GIGYF1: variants seen among roughly 807,000 people sequenced by gnomAD.
The protein encoded by GIGYF1 is GRB10 interacting GYF protein 1, also known as GRB10-interacting GYF protein 1.
A neutral mutation model predicts 147.1 loss-of-function variants in GIGYF1; 84 were observed. The observed-to-expected ratio is 0.57, with a 90% confidence interval of 0.48 to 0.68. The LOEUF (loss-of-function observed/expected upper bound fraction) is 0.68. Ranked by LOEUF, GIGYF1 falls within the 30% of genes least tolerant of loss-of-function variation. GIGYF1 has a pLI of 0.00. For missense variants in GIGYF1, 1,485 were observed against 1,393.7 expected (o/e 1.07, Z -1.04); for synonymous variants, 752 against 589.5 (o/e 1.28, Z -3.99).
intron 1 of GIGYF1, among the ~76,000 whole-genome samples, chr7:100,693,083 C>G (rs766388343): frequency 2.0e-5 from 3 of 152,030 alleles, no homozygotes; most frequent in African/African-American, 7.3e-5. Context: ...AGCTGACGAT[C>G]TTCCAGAACG....
At position 100,683,227 on chromosome 7, in the gene GIGYF1, G is replaced by C; in HGVS notation, c.2197C>G (p.Arg733Gly). The C allele has an allele frequency of 1.2e-6, 2 of 1,611,904 alleles. No homozygotes were observed. Among genetic ancestry groups the C allele is most frequent in the Non-Finnish European group, 1.7e-6 (2 of 1,179,948 alleles). The change falls in exon 22 of 27, where the codon CGG becomes GGG. Residue 733 changes from arginine (R) to glycine (G), a missense_variant. By Grantham distance (125) the Arg-to-Gly change is moderately radical. Coordinates refer to ENST00000678049, the MANE Select transcript of GIGYF1 (RefSeq NM_001375765.1). ...EEELFRRKHV[R>G]QQELLLKLLQ... ...AACTTCAGCAATAGCTCCTGCTGCCGCACCTAAGAGGGGGACATGGTGAGG... is the reference window on the plus strand; with the variant it reads ...AACTTCAGCAATAGCTCCTGCTGCCCCACCTAAGAGGGGGACATGGTGAGG...
intron 1 of GIGYF1, among the ~76,000 whole-genome samples, chr7:100,689,942 G>A (rs1273027440): frequency 6.6e-6 from 1 of 152,186 alleles, no homozygotes; most frequent in African/African-American, 2.4e-5. Flanking sequence ...ACTCATTGAG[G>A]GAGGAAGGTA....
rs144361946 is a variant in GIGYF1 at position 100,685,455 on chromosome 7, G to A, written c.1081C>T (p.Pro361Ser). Reference protein sequence around the residue: ...AGGKELTPLPPQEEKSSSPSP... With the variant: ...AGGKELTPLPSQEEKSSSPSP... ...GGGGAGCTGGACTTCTCCTCCTGAG[G>A]AGGCAGTGGGGTCAGCTCTTTCCCA... The change falls in exon 13 of 27, where the codon CCT (proline) becomes TCT (serine). Residue 361 changes from proline (P) to serine (S), a missense_variant. Transcript: ENST00000678049. 1.3e-6 allele frequency: 2 copies of A among 1,598,586 alleles called. No homozygotes were observed. The highest frequency in any genetic ancestry group is 1.7e-6 in the Non-Finnish European group (2 of 1,176,476).
At position 100,683,963 on chromosome 7, in the gene GIGYF1, G is replaced by A. The variant is rs1323027634; in HGVS notation, c.1869-45C>T. On this transcript the variant is annotated intron_variant, in intron 18 of 26. Transcript: ENST00000678049. ...TTCTTAGGACCCCAAATCCATCTCTGGTCTGCCCCCATCCCCCCCCCACCC... is the reference window on the plus strand; with the variant it reads ...TTCTTAGGACCCCAAATCCATCTCTAGTCTGCCCCCATCCCCCCCCCACCC... 3 of 1,571,102 alleles carry A rather than the reference G, an allele frequency of 1.9e-6. No homozygotes were observed. In the Admixed American group the frequency reaches 5.7e-5, roughly 30 times the overall value.
chr7:100,691,506 A>ATTTTTTT (rs373899398), intron 1 of GIGYF1, among the ~76,000 whole-genome samples: 96,903 of 147,266 alleles, frequency 0.66, 32,099 homozygotes, highest in Middle Eastern at 0.87. Context: ...AAAAGAATAG[A>ATTTTTTT]TTTTTTTTTT....
Position 100,682,578 on chromosome 7 carries a change from T to C in GIGYF1, c.2600+12A>G, listed in dbSNP as rs763557676. On this transcript the variant is annotated intron_variant, in intron 23 of 26. Transcript: ENST00000678049. ...TCAGGGCCATCCCGGAGCCTCCAGG[T>C]GCCACGCCCACCTGAGAGATGGGCT... 3.8e-6 allele frequency: 6 copies of C among 1,592,264 alleles called. No individual in the cohort carries two copies. In the South Asian group the frequency reaches 6.7e-5, roughly 18 times the overall value.
intron 1 of GIGYF1, among the ~76,000 whole-genome samples, chr7:100,690,157 A>G (rs1486134800): frequency 6.6e-6 from 1 of 152,220 alleles, no homozygotes; most frequent in Non-Finnish European, 1.5e-5. Flanking sequence ...ATTTTTTTAA[A>G]AAAGCTTTAG....
chr7:100,681,980 C>T lies in GIGYF1; in HGVS notation c.2939G>A (p.Ser980Asn). 6.2e-7 allele frequency: 1 copy of T among 1,609,112 alleles called. No individual in the cohort carries two copies. Among genetic ancestry groups the T allele is most frequent in the Non-Finnish European group, 8.5e-7 (1 of 1,179,932 alleles). Residue 980 changes from serine (S) to asparagine (N), a missense_variant, in exon 26 of 27, where the codon AGC (serine) becomes AAC (asparagine). Transcript: ENST00000678049. ...QRQQQQEAWL[S>N]SASLQTAFQA... is the part of the protein sequence containing the mutation. The stretch of plus-strand genomic sequence containing the variant: ...GAAGGCCGTCTGCAGCGAGGCGCTG[C>T]TCAGCCATGCCTCCTAAGGCAGCGG...
At chr7:100,685,561 T>C in intron 12 of GIGYF1, 80 bp from the exon 13 acceptor site, 1 of 1,507,744 alleles carries the variant, frequency 6.6e-7, no homozygotes, top group Non-Finnish European at 9.0e-7. Context: ...TGAGTGTGGC[T>C]GGAACCGCGG....
Position 100,684,062 on chromosome 7 carries a change from AGCTGCT to A in GIGYF1, c.1820_1825del (p.Gln607_Gln608del), listed in dbSNP as rs750764437. On this transcript the variant is annotated inframe_deletion, in exon 18 of 27. Transcript: ENST00000678049. Reference sequence around the variant, plus strand: ...CTGGAGCTGCTGCAGGAATGCCGTGAGCTGCTGCTGCTGCTGCTGTGGCGGCGGCGG... The same window carrying A: ...CTGGAGCTGCTGCAGGAATGCCGTGAGCTGCTGCTGCTGTGGCGGCGGCGG... The A allele has an allele frequency of 3.3e-5, 53 of 1,596,486 alleles. No homozygotes were observed. Among genetic ancestry groups the A allele is most frequent in the Non-Finnish European group, 4.4e-5 (52 of 1,174,328 alleles).
At chr7:100,686,491 CCT>C in intron 10 of GIGYF1, 58 bp from the exon 11 acceptor site, 1 of 1,533,948 alleles carries the variant, frequency 6.5e-7, no homozygotes, top group East Asian at 2.3e-5. Context: ...CCAGCGGCCC[CCT>C]CTGCTGCAGC....
rs1476520525 is a variant in GIGYF1, at chr7:100,682,367, A to G, written c.2716T>C (p.Cys906Arg). The G allele has an allele frequency of 6.2e-7, 1 of 1,613,374 alleles. No individual in the cohort carries two copies. Among genetic ancestry groups the G allele is most frequent in the Non-Finnish European group, 8.5e-7 (1 of 1,179,954 alleles). ...PRPQDGFTQW[C>R]EQMLHTLSAT... is the part of the protein sequence containing the mutation. ...CTCAGCGTGTGCAGCATCTGCTCGC[A>G]CCACTGGGTGAAGCCGTCCTGGGGC... The change falls in exon 24 of 27, where the codon TGC (cysteine) becomes CGC (arginine). Residue 906 changes from cysteine to arginine, a missense_variant. Transcript: ENST00000678049.
At chr7:100,692,043 G>C (rs916350490) in intron 1 of GIGYF1, among the ~76,000 whole-genome samples, 3 of 152,236 alleles carry the variant, frequency 2.0e-5, no homozygotes, top group African/African-American at 7.2e-5. Flanking sequence ...CTGTGCCTTG[G>C]CACAGAACAG....
Position 100,686,774 on chromosome 7 carries a change from T to G in GIGYF1, c.569A>C (p.His190Pro). 6.2e-7 allele frequency: 1 copy of G among 1,614,012 alleles called. No individual in the cohort carries two copies. Among genetic ancestry groups the G allele is most frequent in the South Asian group, 1.1e-5 (1 of 91,080 alleles). Residue 190 changes from histidine (H) to proline (P), a missense_variant, in exon 10 of 27, where the codon CAC becomes CCC. Coordinates refer to ENST00000678049, the MANE Select transcript of GIGYF1 (RefSeq NM_001375765.1). ...CCAGTTCTCGCTGTCTGAGCGGGCG[T>G]GCTCCTTCCTTGGGCCAGCCCCTCC... ...EEGGAGPRKE[H>P]ARSDSENWRS...
intron 1 of GIGYF1, among the ~76,000 whole-genome samples, chr7:100,691,427 G>A (rs1396793779): frequency 6.6e-6 from 1 of 152,152 alleles, no homozygotes; most frequent in Non-Finnish European, 1.5e-5. Context: ...TGAACAGCAG[G>A]GACATCATTC....
At chr7:100,685,763 G>A (rs1041426874) in intron 12 of GIGYF1, among the ~76,000 whole-genome samples, 1 of 152,168 alleles carries the variant, frequency 6.6e-6, no homozygotes, top group Non-Finnish European at 1.5e-5. Flanking sequence ...ACTTTCAAAG[G>A]TCATTTTGAT....
At position 100,681,543 on chromosome 7, in the gene GIGYF1, T is replaced by A. The variant is rs1452071086; in HGVS notation, c.*176A>T. The A allele has an allele frequency of 6.7e-6, 3 of 446,634 alleles. No homozygotes were observed. The highest frequency in any genetic ancestry group is 1.2e-5 in the Non-Finnish European group (3 of 257,872). The allele number at this position is 446,634 out of a possible 1,614,324, so 27.7% of individuals were successfully genotyped here. A position where few individuals can be genotyped will look rare whatever the true frequency, so the allele number is the denominator to read the frequency against. ...AAAAGAAAAACCCCCTCCCCCAGTC[T>A]GTAAAGTGCCTCGTGGTGGGTGAGT... On this transcript the variant is annotated 3_prime_UTR_variant, in exon 27 of 27. Transcript: ENST00000678049.
rs750067094 is a variant in GIGYF1 at position 100,687,002 on chromosome 7, G to A, written c.523+4C>T. Reference sequence around the variant, plus strand: ...CCCGGCCGCCGCCCTCAGCAGCCTCGTACCTCCATCCCGCCTTGCTGACTT... The same window carrying A: ...CCCGGCCGCCGCCCTCAGCAGCCTCATACCTCCATCCCGCCTTGCTGACTT... On this transcript the variant is annotated splice_donor_region_variant and intron_variant, in intron 9 of 26. Transcript: ENST00000678049. 1.2e-5 allele frequency: 20 copies of A among 1,613,742 alleles called. No homozygotes were observed. The highest frequency in any genetic ancestry group is 1.5e-5 in the Non-Finnish European group (18 of 1,179,982).
chr7:100,685,012 T>A (rs1164673946), intron 14 of GIGYF1, 37 bp downstream of exon 14: 1 of 1,550,102 alleles, frequency 6.5e-7, no homozygotes, highest in Admixed American at 1.9e-5. Flanking sequence ...AGGTCAGAAG[T>A]GGGAAGGGTC....
Sources: gnomAD v4.1 joint callset for allele counts (sites outside exome capture counted in the v4.1 genomes callset) on GRCh38, gnomAD v4.1.1 for gene constraint, MANE v1.5 for transcripts, NCBI Gene and HGNC (gene_info 2026-07-23, HGNC 2026-07-21) for gene names.